Variants in BMPR1B observed in about 807,000 individuals in gnomAD.
The protein encoded by BMPR1B is bone morphogenetic protein receptor type 1B, also known as bone morphogenetic protein receptor type-1B.
In BMPR1B, 12 loss-of-function variants were observed where a neutral mutation model predicts 59.1. The observed-to-expected ratio is 0.20, with a 90% CI of 0.13 to 0.33. BMPR1B has a LOEUF of 0.33. Among genes scored for constraint, BMPR1B ranks in the 10% least tolerant of loss-of-function variants. BMPR1B has a pLI of 1.00. For synonymous variants in BMPR1B, 237 were observed against 207.3 expected (o/e 1.14, Z -1.23); for missense variants, 550 against 610.9 (o/e 0.90, Z 1.05).
intron 1 of BMPR1B, among the ~76,000 whole-genome samples, chr4:94,761,425 G>C (rs1721762229): frequency 9.5e-6 from 1 of 105,314 alleles, no homozygotes; most frequent in Admixed American, 8.4e-5. Context: ...CTGTGTGTGT[G>C]TGTGTGTGTG....
At position 94,974,166 on chromosome 4, in the gene BMPR1B, G is replaced by T. The variant is rs562525832; in HGVS notation, c.-112-21874G>T. On this transcript the variant is annotated intron_variant, in intron 2 of 12. Transcript: ENST00000515059. The stretch of plus-strand genomic sequence containing the variant: ...AGTGAAGTTAGTGATTATTTTTATG[G>T]CTGTGGTTGTCTTCTGTGTATTGTA... Among the ~76,000 whole-genome samples, 5 of 152,044 alleles carry T rather than the reference G, an allele frequency of 3.3e-5. No homozygotes were observed. The East Asian group carries it at 9.6e-4, about 29-fold the overall frequency.
At position 95,157,577 on chromosome 4, in the gene BMPR1B, G is replaced by A. The variant is rs574095178; in HGVS notation, c.*2904G>A. 1 of 151,572 alleles carries A rather than the reference G, an allele frequency of 6.6e-6. No individual in the cohort carries two copies. The highest frequency in any genetic ancestry group is 2.4e-5 in the African/African-American group (1 of 41,406). The allele number at this position is 151,572 out of a possible 1,614,324, so 9.4% of individuals were successfully genotyped here. A position where few individuals can be genotyped will look rare whatever the true frequency, so the allele number is the denominator to read the frequency against. On this transcript the variant is annotated 3_prime_UTR_variant, in exon 13 of 13. Coordinates refer to ENST00000515059, the MANE Select transcript of BMPR1B (RefSeq NM_001203.3). ...AATTATTAGTTGTTAGATAAGTTTTGTATGCTAAGATATTCAGGTTTATAG... is the reference window on the plus strand; with the variant it reads ...AATTATTAGTTGTTAGATAAGTTTTATATGCTAAGATATTCAGGTTTATAG...
intron 2 of BMPR1B, among the ~76,000 whole-genome samples, chr4:94,927,006 G>A (rs1728914933): frequency 6.6e-6 from 1 of 152,038 alleles, no homozygotes; most frequent in African/African-American, 2.4e-5. Context: ...TTCTTTGAAA[G>A]TTATTTGTGT....
At chr4:94,936,321 G>A (rs752866724) in intron 2 of BMPR1B, among the ~76,000 whole-genome samples, 3 of 152,114 alleles carry the variant, frequency 2.0e-5, no homozygotes, top group Non-Finnish European at 2.9e-5. Flanking sequence ...GAATTTCGTG[G>A]GACAGACAGG....
intron 1 of BMPR1B, among the ~76,000 whole-genome samples, chr4:94,824,692 G>T (rs947382421): frequency 6.6e-6 from 1 of 152,100 alleles, no homozygotes; most frequent in Non-Finnish European, 1.5e-5. Context: ...TTATTTAAAA[G>T]ATTTGATTCA....
chr4:94,935,902 A>G (rs986791474), intron 2 of BMPR1B, among the ~76,000 whole-genome samples: 2 of 152,224 alleles, frequency 1.3e-5, no homozygotes, highest in Non-Finnish European at 2.9e-5. Flanking sequence ...TGTTGCCTCT[A>G]ACAGAGGAGT....
At chr4:94,828,847 G>C (rs1724473022) in intron 1 of BMPR1B, among the ~76,000 whole-genome samples, 1 of 151,858 alleles carries the variant, frequency 6.6e-6, no homozygotes, top group Non-Finnish European at 1.5e-5. Context: ...ACTGCACTAG[G>C]GTTTCCTGGA....
chr4:94,985,039 TC>T (rs777099023), intron 2 of BMPR1B, among the ~76,000 whole-genome samples: 13 of 152,266 alleles, frequency 8.5e-5, no homozygotes, highest in African/African-American at 1.9e-4. Context: ...ACGTGGCACT[TC>T]CTGTGAACAG....
chr4:94,837,184 A>G (rs1226954932), intron 1 of BMPR1B, among the ~76,000 whole-genome samples: 3 of 147,304 alleles, frequency 2.0e-5, no homozygotes, highest in African/African-American at 7.6e-5. Flanking sequence ...GTTTGAAGTC[A>G]GGTAGCGTGA....
intron 6 of BMPR1B, among the ~76,000 whole-genome samples, chr4:95,116,421 GCA>G (rs35436544): frequency 0.24 from 29,815 of 123,026 alleles, 3,500 homozygotes; most frequent in South Asian, 0.31. Flanking sequence ...TTCAGCGCGC[GCA>G]CACACACACA....
At position 94,996,150 on chromosome 4, in the gene BMPR1B, G is replaced by T. The variant is rs1195834395; in HGVS notation, c.-18+16G>T. ...AAGTGAGAAGGTAAGTAATTAGCCA[G>T]TTCAGTCTCGCTGTTACTCGTAAAC... On this transcript the variant is annotated intron_variant, in intron 3 of 12. Transcript: ENST00000515059. 1 of 152,244 alleles carries T rather than the reference G, an allele frequency of 6.6e-6. No individual in the cohort carries two copies. Among genetic ancestry groups the T allele is most frequent in the Non-Finnish European group, 1.5e-5 (1 of 68,070 alleles). The allele number at this position is 152,244 out of a possible 1,614,324, so 9.4% of individuals were successfully genotyped here. A position where few individuals can be genotyped will look rare whatever the true frequency, so the allele number is the denominator to read the frequency against.
intron 1 of BMPR1B, among the ~76,000 whole-genome samples, chr4:94,803,907 C>T (rs1291305622): frequency 3.9e-5 from 6 of 152,100 alleles, no homozygotes; most frequent in African/African-American, 1.4e-4. Context: ...GAGATAGAGT[C>T]TTGCTCTGTT....
intron 6 of BMPR1B, among the ~76,000 whole-genome samples, chr4:95,121,801 A>G (rs895306570): frequency 2.0e-5 from 3 of 152,212 alleles, no homozygotes; most frequent in African/African-American, 7.2e-5. Flanking sequence ...CCTTTTAAAA[A>G]GAATATTTGA....
At chr4:94,764,281 G>T (rs568021668) in intron 1 of BMPR1B, among the ~76,000 whole-genome samples, 2 of 152,274 alleles carry the variant, frequency 1.3e-5, no homozygotes, top group Admixed American at 6.5e-5. Context: ...AGTAGAGGGA[G>T]GGTGGGGAGT....
intron 1 of BMPR1B, among the ~76,000 whole-genome samples, chr4:94,857,255 A>G (rs1483730323): frequency 6.6e-6 from 1 of 152,236 alleles, no homozygotes; most frequent in African/African-American, 2.4e-5. Flanking sequence ...ATTTAAGAAA[A>G]TGTGCCAAAT....
intron 2 of BMPR1B, among the ~76,000 whole-genome samples, chr4:94,989,890 A>G (rs1721632973): frequency 6.6e-6 from 1 of 152,212 alleles, no homozygotes; most frequent in African/African-American, 2.4e-5. Flanking sequence ...AAATAGCCAA[A>G]TGGCTAATAA....
intron 2 of BMPR1B, among the ~76,000 whole-genome samples, chr4:94,981,478 C>T: frequency 6.6e-6 from 1 of 152,192 alleles, no homozygotes. Flanking sequence ...ACCAGTGGAA[C>T]TCTTAGGACT....
intron 1 of BMPR1B, among the ~76,000 whole-genome samples, chr4:94,790,339 CTGTTGT>C (rs895030143): frequency 2.4e-4 from 36 of 152,224 alleles, no homozygotes; most frequent in Middle Eastern, 6.8e-3. Context: ...TGAGTTATTA[CTGTTGT>C]TGTTGTAACA....
intron 1 of BMPR1B, among the ~76,000 whole-genome samples, chr4:94,814,039 A>G (rs1409982932): frequency 6.6e-6 from 1 of 152,182 alleles, no homozygotes; most frequent in Non-Finnish European, 1.5e-5. Flanking sequence ...TCGGAATCAG[A>G]TCAGGGGAGA....
Sources: gnomAD v4.1 joint callset for allele counts (sites outside exome capture counted in the v4.1 genomes callset) on GRCh38, gnomAD v4.1.1 for gene constraint, MANE v1.5 for transcripts, NCBI Gene and HGNC (gene_info 2026-07-23, HGNC 2026-07-21) for gene names.